Variants in CNKSR1 observed in about 807,000 individuals in gnomAD.
CNKSR1 encodes the protein CNK homolog protein 1.
A neutral mutation model predicts 95.6 loss-of-function variants in CNKSR1; 88 were observed. That is an observed-to-expected ratio of 0.92 (90% CI 0.78 to 1.10). The LOEUF is 1.10. Ranked by LOEUF, CNKSR1 falls within the 50% of genes least tolerant of loss-of-function variation. The probability of loss-of-function intolerance (pLI) is 0.00; values close to 1 mark genes in which losing one functional copy is unlikely to be tolerated. For synonymous variants in CNKSR1, 355 were observed against 369.7 expected, an observed-to-expected ratio of 0.96 and a Z score of 0.46; for missense variants, 836 against 912.0, an observed-to-expected ratio of 0.92 and a Z score of 1.07.
At chr1:26,181,011 G>C in intron 3 of CNKSR1, 115 bp downstream of exon 3, 2 of 1,342,154 alleles carry the variant, frequency 1.5e-6, no homozygotes, top group Non-Finnish European at 1.1e-6. Flanking sequence ...CAGGCGTGGT[G>C]GCTTAGGTCT....
chr1:26,181,085 G>C, intron 3 of CNKSR1, 189 bp downstream of exon 3: 1 of 671,160 alleles, frequency 1.5e-6, no homozygotes, highest in Non-Finnish European at 2.6e-6. Context: ...TTGGAGACCA[G>C]CCTGGCCAAC....
intron 2 of CNKSR1, 23 bp from the exon 3 acceptor site, chr1:26,180,692 G>A (rs1323793724): frequency 3.1e-6 from 5 of 1,613,914 alleles, no homozygotes; most frequent in Non-Finnish European, 4.2e-6. Flanking sequence ...CCAGGGAGGT[G>A]ACTTGCCCTC....
intron 4 of CNKSR1, 111 bp downstream of exon 4, chr1:26,182,052 G>T: frequency 9.6e-7 from 1 of 1,046,222 alleles, no homozygotes. Context: ...TGAGACGGGC[G>T]AGAAAGGAGG....
At chr1:26,181,570 A>G (rs2088648337) in intron 3 of CNKSR1, 1 of 381,252 alleles carries the variant, frequency 2.6e-6, no homozygotes, top group Non-Finnish European at 4.9e-6. Flanking sequence ...CTCATTATCC[A>G]ATGTTTCATG....
At position 26,181,495 on chromosome 1, in the gene CNKSR1, C is replaced by G. The variant is rs1383928167; in HGVS notation, c.393-362C>G. 15 of 252,922 alleles carry G rather than the reference C, an allele frequency of 5.9e-5. No homozygotes were observed. The East Asian group carries it at 1.3e-3, about 21-fold the overall frequency. The allele number at this position is 252,922 out of a possible 1,614,324, so 15.7% of individuals were successfully genotyped here. A position where few individuals can be genotyped will look rare whatever the true frequency, so the allele number is the denominator to read the frequency against. ...CACCTCAAATGTCATCTCGGGGAAG[C>G]CTTCCCTGTTGTACACTCTCCAAGC... On this transcript the variant is annotated intron_variant, in intron 3 of 20. Coordinates refer to ENST00000361530, the MANE Select transcript of CNKSR1 (RefSeq NM_006314.3).
chr1:26,184,160 G>A lies in CNKSR1; in HGVS notation c.926+19G>A, dbSNP rs200925514. On this transcript the variant is annotated intron_variant, in intron 10 of 20. Transcript: ENST00000361530. ...CTCCCAGGTAACAGGCTCTGTCCAGGTGTGTCTTGGTGGGGAGACCGTGGG... is the reference window on the plus strand; with the variant it reads ...CTCCCAGGTAACAGGCTCTGTCCAGATGTGTCTTGGTGGGGAGACCGTGGG... The A allele has an allele frequency of 6.1e-4, 984 of 1,612,444 alleles. 1 individual carries two copies. Among genetic ancestry groups the A allele is most frequent in the Non-Finnish European group, 7.9e-4 (931 of 1,179,392 alleles).
At chr1:26,189,253 T>C in intron 20 of CNKSR1, 26 bp from the exon 21 acceptor site, 5 of 1,613,372 alleles carry the variant, frequency 3.1e-6, no homozygotes, top group Non-Finnish European at 4.2e-6. Context: ...GTGATCATGG[T>C]CCCTTAGCCC....
chr1:26,188,465 G>A lies in CNKSR1; in HGVS notation c.1552G>A (p.Glu518Lys), dbSNP rs1273896754. ...AGACTGCTACAGTGAGACCGAAGCA[G>A]AGGACCCGGACGATGAGGCTGGGTC... ...EEDCYSETEAEDPDDEAGSHS... is the reference protein window; with the variant it reads ...EEDCYSETEAKDPDDEAGSHS... Residue 518 changes from glutamate (E) to lysine (K), a missense_variant, in exon 18 of 21, where the codon GAG becomes AAG. Glu to Lys is a moderately conservative substitution (Grantham distance 56, BLOSUM62 1). Transcript: ENST00000361530. 1 of 1,605,882 alleles carries A rather than the reference G, an allele frequency of 6.2e-7. No homozygotes were observed. The highest frequency in any genetic ancestry group is 8.5e-7 in the Non-Finnish European group (1 of 1,176,360).
intron 16 of CNKSR1, among the ~76,000 whole-genome samples, 200 bp downstream of exon 16, chr1:26,187,682 G>A (rs533862147): frequency 6.7e-6 from 1 of 149,790 alleles, no homozygotes; most frequent in East Asian, 2.0e-4. Flanking sequence ...GAGTGCAGTG[G>A]CGTGATCTTG....
chr1:26,187,759 A>T (rs1045089919), intron 16 of CNKSR1, among the ~76,000 whole-genome samples: 4 of 150,206 alleles, frequency 2.7e-5, no homozygotes, highest in African/African-American at 9.9e-5. Flanking sequence ...GGTAGCTGAG[A>T]CTACAGGTGC....
chr1:26,189,782 C>A lies in CNKSR1; in HGVS notation c.*234C>A. The A allele has an allele frequency of 1.4e-6, 1 of 696,924 alleles. No homozygotes were observed. The highest frequency in any genetic ancestry group is 2.0e-5 in the Admixed American group (1 of 49,938). The allele number at this position is 696,924 out of a possible 1,614,324, so 43.2% of individuals were successfully genotyped here. A position where few individuals can be genotyped will look rare whatever the true frequency, so the allele number is the denominator to read the frequency against. On this transcript the variant is annotated 3_prime_UTR_variant, in exon 21 of 21. Transcript: ENST00000361530. ...AACCTCTGGGGCCACAGCCCTGCCCCTCCAGTTCCTTGGCAGTTCTCCCCC... is the reference window on the plus strand; with the variant it reads ...AACCTCTGGGGCCACAGCCCTGCCCATCCAGTTCCTTGGCAGTTCTCCCCC...
At chr1:26,179,370 G>A (rs1240827874) in intron 1 of CNKSR1, among the ~76,000 whole-genome samples, 3 of 152,174 alleles carry the variant, frequency 2.0e-5, no homozygotes, top group Non-Finnish European at 4.4e-5. Context: ...GATGAAAAAG[G>A]AAGTGAAGGA....
rs2088663773 is a variant in CNKSR1 at position 26,182,479 on chromosome 1, G to T, written c.520-1G>T. On this transcript the variant is annotated splice_acceptor_variant, in intron 5 of 20. Coordinates refer to ENST00000361530, the MANE Select transcript of CNKSR1 (RefSeq NM_006314.3). LOFTEE classifies it high-confidence loss of function. ...CTACATAGCCCGCTCCCCTCCCCCA[G>T]TGCAGCCACGTGGCTGGGATCTGCC... 1.9e-6 allele frequency: 3 copies of T among 1,613,922 alleles called. No individual in the cohort carries two copies. The Admixed American group carries it at 5.0e-5, about 27-fold the overall frequency.
At position 26,188,927 on chromosome 1, in the gene CNKSR1, G is replaced by T. The variant is rs761406580; in HGVS notation, c.1846G>T (p.Val616Leu). Residue 616 changes from valine (V) to leucine (L), a missense_variant, in exon 20 of 21, where the codon GTG (valine) becomes TTG (leucine). Transcript: ENST00000361530. The part of the protein sequence containing the change: ...DPQLNERVHR[V>L]RALQSTLKAK... ...TCAGCTCAATGAGCGAGTGCACCGT[G>T]TGCGGGCGCTACAGAGCACACTCAA... The T allele has an allele frequency of 1.9e-6, 3 of 1,613,606 alleles. No homozygotes were observed. The highest frequency in any genetic ancestry group is 2.5e-6 in the Non-Finnish European group (3 of 1,179,796).
In CNKSR1 at chr1:26,183,428, G is replaced by A. The variant is rs1444760478; in HGVS notation, c.753+14G>A. The stretch of plus-strand genomic sequence containing the variant: ...GAGCAGGTGGTGGTGCGTGAGGAGA[G>A]GGACATGGTAGGAGGTGAAGGGGTC... On this transcript the variant is annotated intron_variant, in intron 8 of 20. Coordinates refer to ENST00000361530, the MANE Select transcript of CNKSR1 (RefSeq NM_006314.3). The A allele has an allele frequency of 6.2e-7, 1 of 1,613,904 alleles. No homozygotes were observed. The highest frequency in any genetic ancestry group is 1.1e-5 in the South Asian group (1 of 91,070).
At chr1:26,178,391 A>T (rs1478250706) in intron 1 of CNKSR1, among the ~76,000 whole-genome samples, 1 of 152,224 alleles carries the variant, frequency 6.6e-6, no homozygotes, top group Non-Finnish European at 1.5e-5. Flanking sequence ...CAGACTGAAG[A>T]GGTTGACACA....
rs748146626 is a variant in CNKSR1, at chr1:26,183,362, G to A, written c.701G>A (p.Arg234Gln). The stretch of plus-strand genomic sequence containing the variant: ...CCACGTCAGGTTCCCACTGACTCCC[G>A]ACTGCAGATCCAGCCTGGAGACGAG... Reference protein sequence around the residue: ...QVDTQVPTDSRLQIQPGDEVV... With the variant: ...QVDTQVPTDSQLQIQPGDEVV... Residue 234 changes from arginine to glutamine, a missense_variant, in exon 8 of 21, where the codon CGA (arginine) becomes CAA (glutamine). Physicochemically the swap from Arg to Gln is conservative, Grantham distance 43. Transcript: ENST00000361530. 22 of 1,614,008 alleles carry A rather than the reference G, an allele frequency of 1.4e-5. No individual in the cohort carries two copies. Among genetic ancestry groups the A allele is most frequent in the East Asian group, 1.3e-4 (6 of 44,882 alleles).
In CNKSR1 at chr1:26,188,971, G is replaced by T; in HGVS notation, c.1872+18G>T. On this transcript the variant is annotated intron_variant, in intron 20 of 20. Coordinates refer to ENST00000361530, the MANE Select transcript of CNKSR1 (RefSeq NM_006314.3). ...CACTCAAGGTCAGCTGGGGGGCTCT[G>T]GGCACAGCAAGGGACTAGGCTCTGG... 1 of 1,612,396 alleles carries T rather than the reference G, an allele frequency of 6.2e-7. No individual in the cohort carries two copies. Among genetic ancestry groups the T allele is most frequent in the South Asian group, 1.1e-5 (1 of 91,034 alleles).
Position 26,188,915 on chromosome 1 carries a change from C to G in CNKSR1, c.1834C>G (p.Arg612Gly). 1.2e-6 allele frequency: 2 copies of G among 1,613,858 alleles called. No individual in the cohort carries two copies. The highest frequency in any genetic ancestry group is 1.7e-5 in the Admixed American group (1 of 60,026). Residue 612 changes from arginine (R) to glycine (G), a missense_variant, in exon 20 of 21, where the codon CGA becomes GGA. Arg to Gly is a moderately radical substitution (Grantham distance 125, BLOSUM62 -2). Coordinates refer to ENST00000361530, the MANE Select transcript of CNKSR1 (RefSeq NM_006314.3). ...CAACCGAGACCCTCAGCTCAATGAG[C>G]GAGTGCACCGTGTGCGGGCGCTACA... Reference protein sequence around the residue: ...RRNRDPQLNERVHRVRALQST... With the variant: ...RRNRDPQLNEGVHRVRALQST...
Sources: gnomAD v4.1 joint callset for allele counts (sites outside exome capture counted in the v4.1 genomes callset) on GRCh38, gnomAD v4.1.1 for gene constraint, MANE v1.5 for transcripts, NCBI Gene and HGNC (gene_info 2026-07-23, HGNC 2026-07-21) for gene names.